LIPK: variants seen among roughly 807,000 people sequenced by gnomAD.
LIPK encodes the protein lipase member K.
A neutral mutation model predicts 48.6 loss-of-function variants in LIPK; 32 were observed. The observed-to-expected ratio is 0.66, with a 90% CI of 0.50 to 0.88. LIPK has a LOEUF of 0.88. LIPK is among the 40% of genes least tolerant of loss of function. The pLI is 0.00. For synonymous variants in LIPK, 164 were observed against 157.4 expected (o/e 1.04, Z -0.32); for missense variants, 507 against 478.5 (o/e 1.06, Z -0.56).
chr10:88,711,097 C>A (rs1260577823), intron 1 of LIPK, among the ~76,000 whole-genome samples: 2 of 152,076 alleles, frequency 1.3e-5, no homozygotes, highest in African/African-American at 2.4e-5. Flanking sequence ...TCCATCTATT[C>A]TCTTTTGTTT....
At chr10:88,723,672 T>A (rs1032487049) in intron 1 of LIPK, among the ~76,000 whole-genome samples, 1 of 152,126 alleles carries the variant, frequency 6.6e-6, no homozygotes, top group Non-Finnish European at 1.5e-5. Context: ...TAATACTGGA[T>A]ATAGAAAATT....
intron 2 of LIPK, among the ~76,000 whole-genome samples, chr10:88,725,335 T>G (rs1001606040): frequency 6.6e-6 from 1 of 152,172 alleles, no homozygotes; most frequent in Non-Finnish European, 1.5e-5. Context: ...CTCACATAAT[T>G]TTTCTCTCTC....
At chr10:88,739,765 A>T (rs1842643417) in intron 7 of LIPK, among the ~76,000 whole-genome samples, 2 of 152,092 alleles carry the variant, frequency 1.3e-5, no homozygotes. Context: ...AGGCTAAGGC[A>T]GGAGAATGGA....
Position 88,739,993 on chromosome 10 carries a change from C to T in LIPK, c.817-3C>T, listed in dbSNP as rs554120423. 10 of 1,607,508 alleles carry T rather than the reference C, an allele frequency of 6.2e-6. No individual in the cohort carries two copies. In the African/African-American group the frequency reaches 1.1e-4, roughly 17 times the overall value. On this transcript the variant is annotated splice_region_variant and splice_polypyrimidine_tract_variant and intron_variant, in intron 7 of 9. Transcript: ENST00000404190. Reference sequence around the variant, plus strand: ...CTCTAGATGAGAAGTAATCTCTTTGCAGAGTCGCTTGGATGTTTATTTGTC... The same window carrying T: ...CTCTAGATGAGAAGTAATCTCTTTGTAGAGTCGCTTGGATGTTTATTTGTC...
chr10:88,717,334 C>T (rs910729280), intron 1 of LIPK, among the ~76,000 whole-genome samples: 2 of 152,142 alleles, frequency 1.3e-5, no homozygotes, highest in African/African-American at 4.8e-5. Context: ...AGAAGATATT[C>T]ACCTTCTACT....
At chr10:88,707,200 C>A (rs1222547477) in intron 1 of LIPK, among the ~76,000 whole-genome samples, 2 of 152,160 alleles carry the variant, frequency 1.3e-5, no homozygotes, top group African/African-American at 4.8e-5. Flanking sequence ...GAAACCAACT[C>A]AAATATATAG....
At chr10:88,750,408 A>G (rs780050263) in intron 9 of LIPK, among the ~76,000 whole-genome samples, 2 of 152,208 alleles carry the variant, frequency 1.3e-5, no homozygotes, top group African/African-American at 4.8e-5. Context: ...CTAGATGCCC[A>G]TAAGAGGTGA....
At chr10:88,749,881 G>A (rs1262447404) in intron 9 of LIPK, among the ~76,000 whole-genome samples, 1 of 152,062 alleles carries the variant, frequency 6.6e-6, no homozygotes, top group African/African-American at 2.4e-5. Flanking sequence ...CTAAGAATAA[G>A]AGAAAACATT....
At chr10:88,736,584 G>T (rs1769694) in intron 6 of LIPK, among the ~76,000 whole-genome samples, 1 of 151,940 alleles carries the variant, frequency 6.6e-6, no homozygotes, top group Non-Finnish European at 1.5e-5. Context: ...GACTTTAACC[G>T]GTAAACAAAT....
chr10:88,721,186 A>C (rs973358388), intron 1 of LIPK, among the ~76,000 whole-genome samples: 32 of 152,308 alleles, frequency 2.1e-4, no homozygotes, highest in African/African-American at 7.5e-4. Context: ...TATTATATAG[A>C]ATATAAGGAT....
intron 8 of LIPK, among the ~76,000 whole-genome samples, chr10:88,741,847 T>C (rs923133015): frequency 2.0e-5 from 3 of 152,228 alleles, no homozygotes; most frequent in Non-Finnish European, 4.4e-5. Context: ...CAGTAGTCTA[T>C]TAAGCCTGGA....
At chr10:88,739,148 T>C (rs1842631094) in intron 7 of LIPK, among the ~76,000 whole-genome samples, 1 of 150,556 alleles carries the variant, frequency 6.6e-6, no homozygotes, top group Non-Finnish European at 1.5e-5. Flanking sequence ...TGGTTGTTTA[T>C]CCATAAGATA....
At chr10:88,728,308 C>T (rs1842386669) in intron 3 of LIPK, 1 of 176,914 alleles carries the variant, frequency 5.7e-6, no homozygotes, top group South Asian at 1.1e-4. Flanking sequence ...AGATCGCCAG[C>T]CGCAGCTGGG....
At chr10:88,719,775 G>A (rs1004371049) in intron 1 of LIPK, among the ~76,000 whole-genome samples, 3 of 152,182 alleles carry the variant, frequency 2.0e-5, no homozygotes, top group African/African-American at 7.2e-5. Flanking sequence ...TTGTTATTAA[G>A]TGTTTGCTTG....
At chr10:88,729,451 GA>G (rs1842421847) in intron 3 of LIPK, among the ~76,000 whole-genome samples, 1 of 152,156 alleles carries the variant, frequency 6.6e-6, no homozygotes, top group South Asian at 2.1e-4. Context: ...TGGCTTTACA[GA>G]GCCAATTATT....
intron 1 of LIPK, among the ~76,000 whole-genome samples, chr10:88,707,472 G>A (rs531133131): frequency 6.6e-6 from 1 of 152,168 alleles, no homozygotes; most frequent in South Asian, 2.1e-4. Context: ...TATTTTACCA[G>A]GCAGGACAAG....
At chr10:88,747,096 C>A (rs1236846701) in intron 9 of LIPK, among the ~76,000 whole-genome samples, 2 of 152,090 alleles carry the variant, frequency 1.3e-5, no homozygotes, top group African/African-American at 2.4e-5. Context: ...AGATCAATAA[C>A]AAGTTCCAAA....
intron 6 of LIPK, 59 bp downstream of exon 6, chr10:88,732,610 T>A (rs1842491479): frequency 2.0e-6 from 3 of 1,502,254 alleles, no homozygotes; most frequent in Admixed American, 2.2e-5. Context: ...TTTCCATTGA[T>A]TTCAACAGAA....
At chr10:88,734,996 T>C (rs911225291) in intron 6 of LIPK, among the ~76,000 whole-genome samples, 2 of 152,166 alleles carry the variant, frequency 1.3e-5, no homozygotes, top group Non-Finnish European at 2.9e-5. Context: ...TTCCTTTTCA[T>C]TGATGCTGCC....
Sources: gnomAD v4.1 joint callset for allele counts (sites outside exome capture counted in the v4.1 genomes callset) on GRCh38, gnomAD v4.1.1 for gene constraint, MANE v1.5 for transcripts, NCBI Gene and HGNC (gene_info 2026-07-23, HGNC 2026-07-21) for gene names.